Variants in ST8SIA4 observed in about 807,000 individuals in gnomAD.
ST8SIA4 encodes CMP-N-acetylneuraminate-poly-alpha-2,8-sialyltransferase.
In ST8SIA4, 15 loss-of-function variants were observed where a neutral mutation model predicts 33.9. The ratio of observed to expected loss-of-function variants is 0.44; its 90% CI spans 0.30 to 0.68. The LOEUF (loss-of-function observed/expected upper bound fraction) is 0.68, where lower values mean the gene tolerates loss of function less well. ST8SIA4 is among the 30% of genes least tolerant of loss of function. The probability of loss-of-function intolerance (pLI) is 0.10; values close to 1 mark genes in which losing one functional copy is unlikely to be tolerated. For synonymous variants in ST8SIA4, 171 were observed against 151.2 expected (o/e 1.13, Z -0.96); for missense variants, 321 against 428.0 (o/e 0.75, Z 2.21).
intron 3 of ST8SIA4, among the ~76,000 whole-genome samples, chr5:100,867,746 G>T (rs946337645): frequency 6.6e-6 from 1 of 151,940 alleles, no homozygotes; most frequent in Non-Finnish European, 1.5e-5. Context: ...ACCCAAGGTT[G>T]AAAATGATTT....
In ST8SIA4 at chr5:100,877,682, G is replaced by C. The variant is rs185034169; in HGVS notation, c.503+8661C>G. On this transcript the variant is annotated intron_variant, in intron 3 of 4. Coordinates refer to ENST00000231461, the MANE Select transcript of ST8SIA4 (RefSeq NM_005668.6). Reference sequence around the variant, plus strand: ...ACAGAAAATAGATATCATCCTAAGGGAAAACGTAGTACCAGAAGAAATAAT... The same window carrying C: ...ACAGAAAATAGATATCATCCTAAGGCAAAACGTAGTACCAGAAGAAATAAT... Among the ~76,000 whole-genome samples, 160 of 152,238 alleles carry C rather than the reference G, an allele frequency of 1.1e-3. 2 individuals carry two copies. The South Asian group carries it at 0.011, about 10-fold the overall frequency.
chr5:100,885,479 T>C, intron 3 of ST8SIA4: 1 of 937,760 alleles, frequency 1.1e-6, no homozygotes, highest in Non-Finnish European at 1.3e-6. Flanking sequence ...AAATAATGTA[T>C]TCCAGTATAT....
chr5:100,830,090 C>T (rs1751220756), intron 4 of ST8SIA4, among the ~76,000 whole-genome samples: 1 of 151,964 alleles, frequency 6.6e-6, no homozygotes, highest in Non-Finnish European at 1.5e-5. Flanking sequence ...ATAAATGTGC[C>T]ACACTGAAGA....
intron 3 of ST8SIA4, among the ~76,000 whole-genome samples, chr5:100,880,065 T>A (rs1353046341): frequency 6.6e-6 from 1 of 151,922 alleles, no homozygotes; most frequent in African/African-American, 2.4e-5. Flanking sequence ...ATAGAACACT[T>A]TTCTCCCTCC....
At chr5:100,886,299 A>G in intron 3 of ST8SIA4, 44 bp downstream of exon 3, 1 of 1,584,920 alleles carries the variant, frequency 6.3e-7, no homozygotes, top group South Asian at 1.2e-5. Context: ...CAAGTAAAAT[A>G]TCTTTGAAAA....
intron 1 of ST8SIA4, among the ~76,000 whole-genome samples, chr5:100,896,148 C>A (rs1329222805): frequency 6.6e-6 from 1 of 151,990 alleles, no homozygotes; most frequent in East Asian, 1.9e-4. Flanking sequence ...TGCTTGCAGT[C>A]CCAAGTTCAT....
chr5:100,892,014 T>C (rs1752679724), intron 2 of ST8SIA4, among the ~76,000 whole-genome samples: 1 of 152,108 alleles, frequency 6.6e-6, no homozygotes, highest in Non-Finnish European at 1.5e-5. Flanking sequence ...GCAGGTTTTA[T>C]GTATTTCAGA....
chr5:100,891,894 A>T (rs763640069), intron 2 of ST8SIA4, among the ~76,000 whole-genome samples: 4 of 152,094 alleles, frequency 2.6e-5, no homozygotes, highest in Non-Finnish European at 4.4e-5. Context: ...AGTAGAAGAT[A>T]GTATAAACAT....
At chr5:100,841,714 G>T (rs1393361361) in intron 4 of ST8SIA4, among the ~76,000 whole-genome samples, 1 of 151,822 alleles carries the variant, frequency 6.6e-6, no homozygotes, top group African/African-American at 2.4e-5. Flanking sequence ...TGGTAACATA[G>T]TTCTGACACA....
At chr5:100,894,481 C>T (rs1479944047) in intron 2 of ST8SIA4, among the ~76,000 whole-genome samples, 2 of 152,070 alleles carry the variant, frequency 1.3e-5, no homozygotes, top group Non-Finnish European at 2.9e-5. Flanking sequence ...ACACACACCA[C>T]TTGACATTGC....
chr5:100,834,075 A>G (rs1401702856), intron 4 of ST8SIA4, among the ~76,000 whole-genome samples: 1 of 152,208 alleles, frequency 6.6e-6, no homozygotes, highest in Non-Finnish European at 1.5e-5. Context: ...GAGTGCTAAT[A>G]TAATAATCAA....
At chr5:100,830,501 T>C (rs948983116) in intron 4 of ST8SIA4, among the ~76,000 whole-genome samples, 1 of 152,224 alleles carries the variant, frequency 6.6e-6, no homozygotes, top group Non-Finnish European at 1.5e-5. Flanking sequence ...TAAAGCCTAA[T>C]CCATTTCTAA....
intron 3 of ST8SIA4, among the ~76,000 whole-genome samples, chr5:100,865,585 C>T (rs903225495): frequency 2.0e-5 from 3 of 152,156 alleles, no homozygotes; most frequent in Non-Finnish European, 4.4e-5. Context: ...TTCAAATCAG[C>T]ATGTTCAAAT....
intron 4 of ST8SIA4, chr5:100,849,373 C>T: frequency 5.1e-6 from 5 of 985,332 alleles, no homozygotes; most frequent in Non-Finnish European, 6.0e-6. Flanking sequence ...CAAATTTCTG[C>T]GTAATTCTTC....
intron 4 of ST8SIA4, among the ~76,000 whole-genome samples, chr5:100,822,399 G>T (rs140226023): frequency 2.0e-5 from 3 of 152,196 alleles, no homozygotes; most frequent in Non-Finnish European, 4.4e-5. Flanking sequence ...GAACAACTTC[G>T]GTACAGTGAA....
At chr5:100,849,674 G>C (rs1242409890) in intron 4 of ST8SIA4, among the ~76,000 whole-genome samples, 1 of 151,650 alleles carries the variant, frequency 6.6e-6, no homozygotes, top group Non-Finnish European at 1.5e-5. Flanking sequence ...TCCTGTAGTC[G>C]CAGCTACTGG....
At chr5:100,870,003 C>T (rs965587640) in intron 3 of ST8SIA4, among the ~76,000 whole-genome samples, 6 of 152,138 alleles carry the variant, frequency 3.9e-5, no homozygotes, top group African/African-American at 1.4e-4. Flanking sequence ...CCACCTCCCC[C>T]ACCCCACGAC....
At chr5:100,895,618 A>T in intron 2 of ST8SIA4, 36 bp downstream of exon 2, 1 of 1,588,568 alleles carries the variant, frequency 6.3e-7, no homozygotes, top group Middle Eastern at 1.7e-4. Flanking sequence ...TGAGAACATG[A>T]TGTGAAATTT....
rs1340345089 is a variant in ST8SIA4 at position 100,862,437 on chromosome 5, C to T, written c.504-6041G>A. 7.9e-5 allele frequency among the ~76,000 whole-genome samples: 12 copies of T among 151,996 alleles called. No homozygotes were observed. In the East Asian group the frequency reaches 1.2e-3, roughly 15 times the overall value. On this transcript the variant is annotated intron_variant, in intron 3 of 4. Transcript: ENST00000231461. ...ATTTTGAGATGGAGTCTCACACTGT[C>T]GCCCTGGCTGGAGTGCAGTGGCGGG...
Sources: allele counts gnomAD v4.1 joint callset (sites outside exome capture counted in the v4.1 genomes callset), GRCh38; gene constraint gnomAD v4.1.1; transcripts MANE v1.5; gene names NCBI Gene and HGNC (gene_info 2026-07-23, HGNC 2026-07-21).